EBF2: variants seen among roughly 807,000 people sequenced by gnomAD.
EBF2 encodes the protein EBF transcription factor 2, also known as transcription factor COE2.
A neutral mutation model predicts 72.8 loss-of-function variants in EBF2; 21 were observed. That is an observed-to-expected ratio of 0.29 (90% confidence interval 0.20 to 0.42). EBF2 has a LOEUF of 0.42. Ranked by LOEUF, EBF2 falls within the 10% of genes least tolerant of loss-of-function variation. The pLI is 1.00. For synonymous variants in EBF2, 299 were observed against 274.2 expected (o/e 1.09, Z -0.89); for missense variants, 637 against 731.2 (o/e 0.87, Z 1.49).
intron 1 of EBF2, among the ~76,000 whole-genome samples, chr8:26,042,807 AC>A (rs922943172): frequency 6.6e-6 from 1 of 152,116 alleles, no homozygotes; most frequent in Admixed American, 6.5e-5. Context: ...GTGGGTAAGA[AC>A]CCCAAGGGGC....
chr8:25,858,593 C>T (rs1218705828), intron 13 of EBF2, 89 bp from the exon 14 acceptor site: 5 of 1,337,236 alleles, frequency 3.7e-6, no homozygotes, highest in Non-Finnish European at 5.1e-6. Flanking sequence ...TGGCCCCAGA[C>T]TGCAGAATGT....
At chr8:25,862,831 T>C in intron 10 of EBF2, 34 bp from the exon 11 acceptor site, 1 of 1,525,740 alleles carries the variant, frequency 6.6e-7, no homozygotes, top group Non-Finnish European at 8.9e-7. Flanking sequence ...TGAGTTGGTA[T>C]CCTGGCTATA....
rs117093424 is a variant in EBF2, at chr8:25,867,737, G to A, written c.1010-4940C>T. ...TTCAGCTTTAAATATCCAACTGTTG[G>A]CTAGAAAATTCCACTTAGATGGTCC... is the stretch of plus-strand genomic sequence containing the variant. On this transcript the variant is annotated intron_variant, in intron 10 of 15. Transcript: ENST00000520164. 6.3e-3 allele frequency among the ~76,000 whole-genome samples: 964 copies of A among 152,194 alleles called. 23 individuals are homozygous for A. The highest frequency in any genetic ancestry group is 0.044 in the Admixed American group (676 of 15,288).
intron 6 of EBF2, among the ~76,000 whole-genome samples, chr8:25,950,201 A>G (rs536893948): frequency 6.6e-6 from 1 of 152,212 alleles, no homozygotes; most frequent in East Asian, 1.9e-4. Context: ...TGTTCGCTAG[A>G]TTACATTACT....
intron 6 of EBF2, among the ~76,000 whole-genome samples, chr8:25,994,051 C>T (rs1315055086): frequency 6.6e-6 from 1 of 151,824 alleles, no homozygotes; most frequent in Non-Finnish European, 1.5e-5. Flanking sequence ...ATTAAAGATG[C>T]AATCCAACAT....
chr8:25,941,740 G>C (rs539626072), intron 6 of EBF2, among the ~76,000 whole-genome samples: 2 of 151,976 alleles, frequency 1.3e-5, no homozygotes, highest in African/African-American at 4.8e-5. Flanking sequence ...CAGAGAGCCC[G>C]ACCCACACCC....
intron 6 of EBF2, among the ~76,000 whole-genome samples, chr8:25,946,206 G>T (rs1305753280): frequency 6.6e-6 from 1 of 152,218 alleles, no homozygotes; most frequent in Non-Finnish European, 1.5e-5. Context: ...GTGGAATGAG[G>T]CAATAACTAA....
intron 6 of EBF2, among the ~76,000 whole-genome samples, chr8:25,972,988 C>T (rs1344944302): frequency 6.7e-6 from 1 of 149,454 alleles, no homozygotes; most frequent in Non-Finnish European, 1.5e-5. Flanking sequence ...ACTCCAAGAG[C>T]GGGAGCTTTG....
rs1801762142 is a variant in EBF2 at position 25,842,727 on chromosome 8, C to T, written c.*1882G>A. 1 of 152,166 alleles carries T rather than the reference C, an allele frequency of 6.6e-6. No homozygotes were observed. Among genetic ancestry groups the T allele is most frequent in the Admixed American group, 6.5e-5 (1 of 15,278 alleles). 9.4% of individuals were successfully genotyped at this position (152,166 alleles called of 1,614,324 possible). A position where few individuals can be genotyped will look rare whatever the true frequency, so the allele number is the denominator to read the frequency against. Reference sequence around the variant, plus strand: ...GTGCATAGAAATAATATAAGTCATACTGGGTAATTCCAGAATGGGTTAAAG... The same window carrying T: ...GTGCATAGAAATAATATAAGTCATATTGGGTAATTCCAGAATGGGTTAAAG... On this transcript the variant is annotated 3_prime_UTR_variant, in exon 16 of 16. Transcript: ENST00000520164.
chr8:26,033,172 C>T lies in EBF2; in HGVS notation c.483-19G>A, dbSNP rs2117257870. 1 of 1,612,846 alleles carries T rather than the reference C, an allele frequency of 6.2e-7. No individual in the cohort carries two copies. The highest frequency in any genetic ancestry group is 8.5e-7 in the Non-Finnish European group (1 of 1,178,932). On this transcript the variant is annotated intron_variant, in intron 5 of 15. Coordinates refer to ENST00000520164, the MANE Select transcript of EBF2 (RefSeq NM_022659.4). ...GCATCGACTGTAGATTGGGAAGGAA[C>T]CAAGAGTGAAAGAAATTTATTAAAT...
chr8:25,891,426 C>A (rs1802778098), intron 7 of EBF2, among the ~76,000 whole-genome samples: 1 of 151,796 alleles, frequency 6.6e-6, no homozygotes, highest in South Asian at 2.1e-4. Context: ...CATGTGTAGA[C>A]CTTTTGAGGA....
At chr8:26,025,463 C>A (rs2117249118) in intron 6 of EBF2, among the ~76,000 whole-genome samples, 1 of 152,170 alleles carries the variant, frequency 6.6e-6, no homozygotes, top group South Asian at 2.1e-4. Context: ...TTATACACGA[C>A]TAAGGATTTG....
rs543432296 is a variant in EBF2 at position 25,874,410 on chromosome 8, GA to G, written c.1010-11614del. ...AATACTTTCTCCCAAATAATGAACA[GA>G]AAAAAAAAATTGTTTTTTTGCCAAA... is the stretch of plus-strand genomic sequence containing the variant. On this transcript the variant is annotated intron_variant, in intron 10 of 15. Transcript: ENST00000520164. Among the ~76,000 whole-genome samples, 1,308 of 139,664 alleles carry G rather than the reference GA, an allele frequency of 9.4e-3. 19 individuals carry two copies. The highest frequency in any genetic ancestry group is 0.03 in the African/African-American group (1,162 of 39,148). The allele number at this position is 139,664 out of a possible 152,430, so 91.6% of individuals were successfully genotyped here.
At chr8:25,914,452 G>A (rs138876788) in intron 6 of EBF2, among the ~76,000 whole-genome samples, 1 of 152,154 alleles carries the variant, frequency 6.6e-6, no homozygotes, top group Non-Finnish European at 1.5e-5. Flanking sequence ...TGGTTGTTGA[G>A]GTGTTAGCCC....
intron 6 of EBF2, among the ~76,000 whole-genome samples, chr8:25,991,161 T>C (rs529508786): frequency 2.0e-5 from 3 of 152,222 alleles, no homozygotes; most frequent in Non-Finnish European, 4.4e-5. Context: ...TCTGCCATCA[T>C]TTTTCCTCAG....
Position 25,916,321 on chromosome 8 carries a change from CA to C in EBF2, c.552-7767del, listed in dbSNP as rs1337393934. Among the ~76,000 whole-genome samples the C allele has an allele frequency of 2.7e-5, 4 of 145,752 alleles. No homozygotes were observed. The East Asian group carries it at 8.0e-4, about 29-fold the overall frequency. On this transcript the variant is annotated intron_variant, in intron 6 of 15. Transcript: ENST00000520164. ...AAAAAAGCAAAAAACCCAAAAAAAA[CA>C]AAAAACAACAACAACAAAAAAACAC...
chr8:25,979,478 G>A (rs1052725567), intron 6 of EBF2, among the ~76,000 whole-genome samples: 1 of 152,208 alleles, frequency 6.6e-6, no homozygotes, highest in Non-Finnish European at 1.5e-5. Context: ...GGAAGCAGGT[G>A]GAACACAGGA....
At chr8:25,933,090 C>G (rs540404978) in intron 6 of EBF2, among the ~76,000 whole-genome samples, 1 of 152,286 alleles carries the variant, frequency 6.6e-6, no homozygotes, top group South Asian at 2.1e-4. Flanking sequence ...GTTTTCTCCC[C>G]CTTCCAACAG....
At chr8:25,849,118 C>A (rs1043252684) in intron 15 of EBF2, among the ~76,000 whole-genome samples, 1 of 152,182 alleles carries the variant, frequency 6.6e-6, no homozygotes, top group African/African-American at 2.4e-5. Flanking sequence ...GCCAAAAAAT[C>A]CATGAAGTTT....
Sources: allele counts gnomAD v4.1 joint callset (sites outside exome capture counted in the v4.1 genomes callset), GRCh38; gene constraint gnomAD v4.1.1; transcripts MANE v1.5; gene names NCBI Gene and HGNC (gene_info 2026-07-23, HGNC 2026-07-21).